The following SRGAP2 variants were observed in gnomAD, a reference collection of about 807,000 sequenced individuals.
SRGAP2 encodes the protein SLIT-ROBO Rho GTPase-activating protein 2.
In SRGAP2, 15 loss-of-function variants were observed where a neutral mutation model predicts 57.2. The observed-to-expected ratio is 0.26, with a 90% CI of 0.18 to 0.40. The LOEUF is 0.40. Ranked by LOEUF, SRGAP2 falls within the 10% of genes least tolerant of loss-of-function variation. The pLI is 1.00. For missense variants in SRGAP2, 520 were observed against 669.6 expected, an observed-to-expected ratio of 0.78 and a Z score of 2.47; for synonymous variants, 249 against 248.0, an observed-to-expected ratio of 1.00 and a Z score of -0.04.
At chr1:206,368,636 GAA>G (rs1210146318) in intron 4 of SRGAP2, among the ~76,000 whole-genome samples, 1 of 109,590 alleles carries the variant, frequency 9.1e-6, no homozygotes, top group Non-Finnish European at 1.8e-5. Context: ...TTTTCTAGAA[GAA>G]AATTCAGACC....
At chr1:206,254,606 G>T (rs1245120719) in intron 2 of SRGAP2, among the ~76,000 whole-genome samples, 1 of 150,574 alleles carries the variant, frequency 6.6e-6, no homozygotes, top group Non-Finnish European at 1.5e-5. Context: ...GACTTGGATG[G>T]CTTCCTTGCT....
At chr1:206,333,151 A>C (rs1381445104) in intron 3 of SRGAP2, among the ~76,000 whole-genome samples, 1 of 147,966 alleles carries the variant, frequency 6.8e-6, no homozygotes, top group Non-Finnish European at 1.5e-5. Flanking sequence ...CCACTTGAGG[A>C]GGCAGTCTGC....
intron 19 of SRGAP2, among the ~76,000 whole-genome samples, chr1:206,452,068 A>G (rs1553376149): frequency 6.6e-6 from 1 of 152,216 alleles, no homozygotes; most frequent in Non-Finnish European, 1.5e-5. Context: ...AGACGAAGAT[A>G]ATGATAACAA....
intron 2 of SRGAP2, among the ~76,000 whole-genome samples, chr1:206,248,485 G>C (rs1284934993): frequency 6.6e-6 from 1 of 152,118 alleles, no homozygotes; most frequent in Non-Finnish European, 1.5e-5. Flanking sequence ...ATTCATTGTT[G>C]GTGAAATATG....
chr1:206,367,467 G>GTAAGTAC lies in SRGAP2; in HGVS notation c.424-16541_424-16535dup, dbSNP rs797037840. ...TTGACCTCTCTAAGCTTTAGCGTCT[G>GTAAGTAC]TAAGTACTAAGTGCTTTTTGTGCAG... On this transcript the variant is annotated intron_variant, in intron 4 of 22. Coordinates refer to ENST00000573034, the MANE Select transcript of SRGAP2 (RefSeq NM_015326.5). Among the ~76,000 whole-genome samples the GTAAGTAC allele has an allele frequency of 3.3e-3, 486 of 146,578 alleles. 4 individuals are homozygous for GTAAGTAC. The highest frequency in any genetic ancestry group is 0.012 in the African/African-American group (455 of 39,396).
chr1:206,427,737 A>G (rs1660928425), intron 13 of SRGAP2, among the ~76,000 whole-genome samples: 1 of 152,154 alleles, frequency 6.6e-6, no homozygotes, highest in Non-Finnish European at 1.5e-5. Context: ...AGCCCTTTCT[A>G]GTTAAGTTCG....
rs1192510431 is a variant in SRGAP2, at chr1:206,303,488, G to A, written c.260+15G>A. 1.2e-5 allele frequency: 17 copies of A among 1,436,858 alleles called. No homozygotes were observed. Among genetic ancestry groups the A allele is most frequent in the Non-Finnish European group, 1.6e-5 (17 of 1,087,934 alleles). The allele number at this position is 1,436,858 out of a possible 1,614,324, so 89.0% of individuals were successfully genotyped here. On this transcript the variant is annotated intron_variant, in intron 3 of 22. Transcript: ENST00000573034. Reference sequence around the variant, plus strand: ...CAGCAATTCAAGTAGGGGCTCTGTGGCTATTACTCTCTGAGACCTTGGAAT... The same window carrying A: ...CAGCAATTCAAGTAGGGGCTCTGTGACTATTACTCTCTGAGACCTTGGAAT...
chr1:206,411,569 G>A (rs1042065192), intron 10 of SRGAP2, among the ~76,000 whole-genome samples: 12 of 152,188 alleles, frequency 7.9e-5, no homozygotes, highest in African/African-American at 2.7e-4. Context: ...TGCCTGCATG[G>A]TGGGGAAACA....
At chr1:206,383,274 C>T (rs1655879143) in intron 4 of SRGAP2, among the ~76,000 whole-genome samples, 1 of 150,386 alleles carries the variant, frequency 6.6e-6, no homozygotes, top group South Asian at 2.1e-4. Flanking sequence ...ATCCACCCAC[C>T]TTGGCCTCTC....
chr1:206,278,063 T>C (rs1294890535), intron 2 of SRGAP2, among the ~76,000 whole-genome samples: 1 of 152,100 alleles, frequency 6.6e-6, no homozygotes, highest in Non-Finnish European at 1.5e-5. Flanking sequence ...ACTTATATGT[T>C]TTACAATTAT....
At position 206,414,086 on chromosome 1, in the gene SRGAP2, C is replaced by T. The variant is rs1382179590; in HGVS notation, c.1357-1803C>T. On this transcript the variant is annotated intron_variant, in intron 10 of 22. Coordinates refer to ENST00000573034, the MANE Select transcript of SRGAP2 (RefSeq NM_015326.5). ...TTGCTCTGTCGCTCAGGCTGGAGTG[C>T]AGTGGTGCAATCTTGGCTCGCTGCA... Among the ~76,000 whole-genome samples, 5 of 145,338 alleles carry T rather than the reference C, an allele frequency of 3.4e-5. No individual in the cohort carries two copies. The East Asian group carries it at 8.0e-4, about 23-fold the overall frequency.
At position 206,461,851 on chromosome 1, in the gene SRGAP2, CCA is replaced by C. The variant is rs1641216721; in HGVS notation, c.*432_*433del. 2 of 166,064 alleles carry C rather than the reference CCA, an allele frequency of 1.2e-5. No individual in the cohort carries two copies. Among genetic ancestry groups the C allele is most frequent in the Non-Finnish European group, 2.6e-5 (2 of 76,318 alleles). The allele number at this position is 166,064 out of a possible 1,614,324, so 10.3% of individuals were successfully genotyped here. A position where few individuals can be genotyped will look rare whatever the true frequency, so the allele number is the denominator to read the frequency against. On this transcript the variant is annotated 3_prime_UTR_variant, in exon 23 of 23. Transcript: ENST00000573034. ...CTGATTATAGAGAATCATATATAGT[CCA>C]GTCTTCATTTTACATACACACACAT...
chr1:206,261,402 G>A (rs1193408766), intron 2 of SRGAP2, among the ~76,000 whole-genome samples: 3 of 151,484 alleles, frequency 2.0e-5, no homozygotes, highest in Non-Finnish European at 4.4e-5. Context: ...TCTGTGGAGT[G>A]GGTGGAAATT....
chr1:206,430,056 G>T (rs1661158102), intron 13 of SRGAP2, 106 bp from the exon 14 acceptor site: 1 of 724,524 alleles, frequency 1.4e-6, no homozygotes, highest in Non-Finnish European at 2.6e-6. Context: ...TTGTAGACCG[G>T]CTGGTGATCC....
chr1:206,443,439 A>G (rs1185339902), intron 17 of SRGAP2, among the ~76,000 whole-genome samples: 1 of 152,224 alleles, frequency 6.6e-6, no homozygotes, highest in Non-Finnish European at 1.5e-5. Context: ...CAATGGCACA[A>G]TCTCTGCTTA....
chr1:206,388,259 CG>C (rs1656495977), intron 5 of SRGAP2, among the ~76,000 whole-genome samples: 1 of 152,198 alleles, frequency 6.6e-6, no homozygotes, highest in African/African-American at 2.4e-5. Context: ...CTTGGAGCAG[CG>C]GCTGTGTGCT....
At position 206,450,421 on chromosome 1, in the gene SRGAP2, A is replaced by C; in HGVS notation, c.2135A>C (p.Asp712Ala). 2.6e-6 allele frequency: 2 copies of C among 780,724 alleles called. No individual in the cohort carries two copies. The highest frequency in any genetic ancestry group is 4.8e-6 in the Non-Finnish European group (2 of 417,950). The allele number at this position is 780,724 out of a possible 1,614,324, so 48.4% of individuals were successfully genotyped here. The change falls in exon 19 of 23, where the codon GAC becomes GCC. Residue 712 changes from aspartate (D) to alanine (A), a missense_variant. By Grantham distance (126) the Asp-to-Ala change is moderately radical (BLOSUM62 -2). Transcript: ENST00000573034. ...CATGGAGAGACTACCTCGGTTGAAG[A>C]CTCAACCCAGGATGTGACCGCAGAG... ...SPHGETTSVE[D>A]STQDVTAEHH...
At chr1:206,306,961 C>T (rs1473455436) in intron 3 of SRGAP2, among the ~76,000 whole-genome samples, 483 of 148,942 alleles carry the variant, frequency 3.2e-3, no homozygotes, top group African/African-American at 0.011. Context: ...TTGGTGCACT[C>T]ACAAATCTTG....
At chr1:206,414,645 T>C (rs1659524407) in intron 10 of SRGAP2, among the ~76,000 whole-genome samples, 1 of 151,684 alleles carries the variant, frequency 6.6e-6, no homozygotes, top group African/African-American at 2.4e-5. Flanking sequence ...AGAAAGGCTG[T>C]GGAGGAGAGC....
Sources: allele counts gnomAD v4.1 joint callset (sites outside exome capture counted in the v4.1 genomes callset), GRCh38; gene constraint gnomAD v4.1.1; transcripts MANE v1.5; gene names NCBI Gene and HGNC (gene_info 2026-07-23, HGNC 2026-07-21).